Variants in LRP1B observed in about 807,000 individuals in gnomAD.
The protein encoded by LRP1B is low-density lipoprotein receptor-related protein 1B.
LRP1B carries 217 observed loss-of-function variants against 556.6 expected under a neutral mutation model. The ratio of observed to expected loss-of-function variants is 0.39; its 90% confidence interval spans 0.35 to 0.44. The LOEUF (loss-of-function observed/expected upper bound fraction) is 0.44. LRP1B is among the 20% of genes least tolerant of loss of function. LRP1B has a pLI of 1.00. For missense variants in LRP1B, 5,053 were observed against 5,620.8 expected (o/e 0.90, Z 3.23); for synonymous variants, 2,047 against 1,865.8 (o/e 1.10, Z -2.50).
chr2:140,300,466 T>C (rs1455655196), intron 83 of LRP1B, among the ~76,000 whole-genome samples: 1 of 152,158 alleles, frequency 6.6e-6, no homozygotes, highest in African/African-American at 2.4e-5. Context: ...ACAGTCCTGT[T>C]ACAATGATTA....
At chr2:141,355,213 T>C (rs1014788766) in intron 3 of LRP1B, among the ~76,000 whole-genome samples, 1 of 152,156 alleles carries the variant, frequency 6.6e-6, no homozygotes, top group South Asian at 2.1e-4. Flanking sequence ...TTGTCATCTA[T>C]ATGAACTAAT....
intron 3 of LRP1B, among the ~76,000 whole-genome samples, chr2:141,385,241 TAC>T (rs1689787648): frequency 6.6e-6 from 1 of 151,852 alleles, no homozygotes; most frequent in African/African-American, 2.4e-5. Flanking sequence ...GAATCAAGAG[TAC>T]ACTACAAAAT....
intron 17 of LRP1B, among the ~76,000 whole-genome samples, chr2:140,984,942 T>C (rs1218689652): frequency 6.6e-6 from 1 of 152,130 alleles, no homozygotes; most frequent in South Asian, 2.1e-4. Context: ...AATCAATGAA[T>C]TTTTCTGAAA....
At chr2:142,026,510 CT>C (rs917263488) in intron 1 of LRP1B, among the ~76,000 whole-genome samples, 4 of 152,034 alleles carry the variant, frequency 2.6e-5, no homozygotes, top group Non-Finnish European at 4.4e-5. Context: ...TATAGGTATA[CT>C]TTTTTTCTAT....
At chr2:140,543,939 A>G (rs1422035543) in intron 43 of LRP1B, among the ~76,000 whole-genome samples, 3 of 152,062 alleles carry the variant, frequency 2.0e-5, no homozygotes, top group Admixed American at 6.6e-5. Context: ...CTCTACAAAT[A>G]TAAAATATTT....
chr2:141,085,995 A>G (rs893511974), intron 7 of LRP1B, among the ~76,000 whole-genome samples: 1 of 152,188 alleles, frequency 6.6e-6, no homozygotes, highest in Non-Finnish European at 1.5e-5. Context: ...ATATTTGGTG[A>G]TACTACACAG....
At chr2:140,801,311 G>A (rs1324937575) in intron 32 of LRP1B, among the ~76,000 whole-genome samples, 1 of 152,186 alleles carries the variant, frequency 6.6e-6, no homozygotes, top group East Asian at 1.9e-4. Flanking sequence ...GCCTTGAAAC[G>A]TGGATGGTGT....
At chr2:141,024,601 G>A (rs138299992) in intron 11 of LRP1B, among the ~76,000 whole-genome samples, 2 of 151,946 alleles carry the variant, frequency 1.3e-5, no homozygotes, top group Non-Finnish European at 2.9e-5. Context: ...AATCTAAAAT[G>A]ATGAATAAAA....
chr2:141,386,080 G>T (rs762231593), intron 3 of LRP1B, among the ~76,000 whole-genome samples: 1 of 152,054 alleles, frequency 6.6e-6, no homozygotes, highest in Non-Finnish European at 1.5e-5. Flanking sequence ...TTTTCTGATG[G>T]TTCAATGTAT....
intron 3 of LRP1B, among the ~76,000 whole-genome samples, chr2:141,357,041 T>G (rs1397824536): frequency 6.6e-6 from 1 of 151,664 alleles, no homozygotes; most frequent in Non-Finnish European, 1.5e-5. Context: ...TTATTTTATT[T>G]TATTTTTATT....
At chr2:141,289,428 G>C (rs182238914) in intron 3 of LRP1B, among the ~76,000 whole-genome samples, 1 of 148,276 alleles carries the variant, frequency 6.7e-6, no homozygotes, top group East Asian at 2.0e-4. Flanking sequence ...GCATAAAAAG[G>C]CATCTGGGTA....
intron 7 of LRP1B, among the ~76,000 whole-genome samples, chr2:141,067,585 G>A (rs1699512461): frequency 6.6e-6 from 1 of 152,010 alleles, no homozygotes; most frequent in Admixed American, 6.6e-5. Flanking sequence ...GTCAGGCAAT[G>A]TGGCTGACTC....
intron 41 of LRP1B, among the ~76,000 whole-genome samples, chr2:140,610,444 C>T (rs1018043765): frequency 1.3e-5 from 2 of 152,010 alleles, no homozygotes; most frequent in African/African-American, 4.8e-5. Flanking sequence ...TCTTAAATGC[C>T]CAAGACCTAA....
At chr2:140,978,321 A>G (rs1696666287) in intron 18 of LRP1B, among the ~76,000 whole-genome samples, 1 of 152,230 alleles carries the variant, frequency 6.6e-6, no homozygotes, top group African/African-American at 2.4e-5. Flanking sequence ...ATTTCTAATC[A>G]TAGGCTTTGC....
chr2:141,540,904 C>T (rs923523374), intron 2 of LRP1B, among the ~76,000 whole-genome samples: 2 of 151,588 alleles, frequency 1.3e-5, no homozygotes, highest in Non-Finnish European at 1.5e-5. Context: ...ATTTTTAGTT[C>T]GCACAAATAA....
chr2:141,564,608 G>A (rs867199825), intron 2 of LRP1B, among the ~76,000 whole-genome samples: 13 of 151,990 alleles, frequency 8.6e-5, no homozygotes, highest in African/African-American at 2.9e-4. Context: ...TATGATCCCC[G>A]AAGTTTGGTT....
At chr2:140,280,327 T>C (rs551073530) in intron 84 of LRP1B, among the ~76,000 whole-genome samples, 3 of 151,774 alleles carry the variant, frequency 2.0e-5, no homozygotes, top group Admixed American at 6.6e-5. Context: ...AAGAAAAATA[T>C]AGATAAAAGA....
chr2:140,523,710 A>T (rs776402974), intron 49 of LRP1B, among the ~76,000 whole-genome samples: 16 of 151,940 alleles, frequency 1.1e-4, no homozygotes, highest in Non-Finnish European at 1.9e-4. Flanking sequence ...AATCAGTAGC[A>T]TTACTATACA....
At chr2:141,611,485 A>G (rs1574138810) in intron 2 of LRP1B, among the ~76,000 whole-genome samples, 3 of 152,260 alleles carry the variant, frequency 2.0e-5, no homozygotes, top group East Asian at 1.9e-4. Flanking sequence ...TCTCTTCCCA[A>G]CAGTATTGAA....
Sources: gnomAD v4.1 joint callset for allele counts (sites outside exome capture counted in the v4.1 genomes callset) on GRCh38, gnomAD v4.1.1 for gene constraint, MANE v1.5 for transcripts, NCBI Gene and HGNC (gene_info 2026-07-23, HGNC 2026-07-21) for gene names.